Variants in SBF2 observed in about 807,000 individuals in gnomAD.
SBF2 encodes the protein SET binding factor 2, also known as myotubularin-related protein 13.
In SBF2, 112 loss-of-function variants were observed where a neutral mutation model predicts 225.2. That is an observed-to-expected ratio of 0.50 (90% CI 0.43 to 0.58). The LOEUF is 0.58. Ranked by LOEUF, SBF2 falls within the 20% of genes least tolerant of loss-of-function variation. The probability of loss-of-function intolerance (pLI) is 0.00; values close to 1 mark genes in which losing one functional copy is unlikely to be tolerated. For missense variants in SBF2, 1,996 were observed against 2,206.2 expected, an observed-to-expected ratio of 0.90 and a Z score of 1.91; for synonymous variants, 763 against 773.3, an observed-to-expected ratio of 0.99 and a Z score of 0.22.
At position 9,829,478 on chromosome 11, in the gene SBF2, T is replaced by A; in HGVS notation, c.3671A>T (p.Glu1224Val). 6.2e-7 allele frequency: 1 copy of A among 1,612,480 alleles called. No homozygotes were observed. Among genetic ancestry groups the A allele is most frequent in the Non-Finnish European group, 8.5e-7 (1 of 1,178,458 alleles). The change falls in exon 28 of 40, where the codon GAA becomes GTA. Residue 1224 changes from glutamate to valine, a missense_variant. Glu to Val is a moderately radical substitution (Grantham distance 121, BLOSUM62 -2). Coordinates refer to ENST00000256190, the MANE Select transcript of SBF2 (RefSeq NM_030962.4). ...SPQAAPTSSL[E>V]SSSSIEQEKY... ...CTCTTGTTCTATGCTACTGGAAGAT[T>A]CTAAAGAGGAGGTAGGAGCTATAAA...
intron 2 of SBF2, among the ~76,000 whole-genome samples, chr11:10,066,668 T>C (rs184624195): frequency 2.8e-4 from 42 of 152,322 alleles, no homozygotes; most frequent in African/African-American, 1.0e-3. Flanking sequence ...AACATCATAC[T>C]TAATGTTGAA....
chr11:9,790,793 A>AAAAC, intron 33 of SBF2, 110 bp from the exon 34 acceptor site: 1 of 823,312 alleles, frequency 1.2e-6, no homozygotes, highest in Non-Finnish European at 2.0e-6. Flanking sequence ...TATGGCTTTA[A>AAAAC]AAACAGCAAC....
chr11:9,829,552 GTATCTATC>G (rs143416649), intron 27 of SBF2, 56 bp from the exon 28 acceptor site: 9 of 1,406,754 alleles, frequency 6.4e-6, no homozygotes, highest in Admixed American at 1.7e-5. Flanking sequence ...AACAAAACAA[GTATCTATC>G]TATCTATCTA....
intron 37 of SBF2, 75 bp from the exon 38 acceptor site, chr11:9,784,513 T>C (rs1475904155): frequency 2.5e-6 from 3 of 1,183,688 alleles, no homozygotes; most frequent in Non-Finnish European, 3.8e-6. Context: ...GGGATATCTG[T>C]TGTTTTTGTC....
At chr11:10,158,925 T>G (rs376195365) in intron 2 of SBF2, among the ~76,000 whole-genome samples, 26 of 152,262 alleles carry the variant, frequency 1.7e-4, no homozygotes, top group African/African-American at 5.5e-4. Flanking sequence ...CAAACAACAT[T>G]TGATAAAATC....
chr11:10,045,231 G>A (rs932563492), intron 2 of SBF2, among the ~76,000 whole-genome samples: 4 of 150,792 alleles, frequency 2.7e-5, no homozygotes, highest in Non-Finnish European at 5.9e-5. Flanking sequence ...GCAGTGGCAC[G>A]ATCTTGGCTC....
chr11:9,917,912 T>A (rs1293436030), intron 16 of SBF2, among the ~76,000 whole-genome samples: 1 of 151,514 alleles, frequency 6.6e-6, no homozygotes, highest in African/African-American at 2.4e-5. Flanking sequence ...TTAAGCATGA[T>A]CCTCTTCCAC....
At chr11:9,851,249 T>C (rs1856930138) in intron 21 of SBF2, among the ~76,000 whole-genome samples, 1 of 151,670 alleles carries the variant, frequency 6.6e-6, no homozygotes, top group Admixed American at 6.6e-5. Flanking sequence ...AGAATAGGAA[T>C]TGTAAGACTG....
intron 2 of SBF2, among the ~76,000 whole-genome samples, chr11:10,117,182 T>G (rs748870057): frequency 6.6e-6 from 1 of 152,198 alleles, no homozygotes; most frequent in African/African-American, 2.4e-5. Flanking sequence ...GGCTCACGCC[T>G]GTAATCCCAG....
intron 16 of SBF2, among the ~76,000 whole-genome samples, chr11:9,898,671 TA>T (rs1564973184): frequency 6.6e-6 from 1 of 151,998 alleles, no homozygotes; most frequent in African/African-American, 2.4e-5. Context: ...ACCTGTCTTT[TA>T]AAAAAAGGAT....
intron 13 of SBF2, among the ~76,000 whole-genome samples, chr11:9,974,187 T>C (rs911749861): frequency 6.6e-6 from 1 of 152,172 alleles, no homozygotes; most frequent in Non-Finnish European, 1.5e-5. Context: ...CAACTGAATG[T>C]CTTATCCTTA....
rs998341729 is a variant in SBF2, at chr11:10,303,104, A to C, written n.386+1388T>G. On this transcript the variant is annotated intron_variant and non_coding_transcript_variant, in intron 1 of 5. Transcript: ENST00000685217. This position sits in a 1 kb window ranked among gnomAD's most constrained non-coding sequence, Gnocchi z 5.2. ...AAAAGGAAATGGGAGACAAGGGAGAAGAACAATAGTTAGGCTGGGGAGGCT... is the reference window on the plus strand; with the variant it reads ...AAAAGGAAATGGGAGACAAGGGAGACGAACAATAGTTAGGCTGGGGAGGCT... The C allele has an allele frequency of 3.3e-5, 5 of 152,412 alleles. No homozygotes were observed. The highest frequency in any genetic ancestry group is 1.2e-4 in the African/African-American group (5 of 41,470). 9.4% of individuals were successfully genotyped at this position (152,412 alleles called of 1,614,324 possible).
chr11:10,017,391 A>T (rs1353746770), intron 6 of SBF2, among the ~76,000 whole-genome samples: 1 of 152,238 alleles, frequency 6.6e-6, no homozygotes, highest in Non-Finnish European at 1.5e-5. Context: ...CGGGGAAAAC[A>T]GTATAGTTCT....
chr11:9,800,630 A>G (rs1853435098), intron 32 of SBF2, among the ~76,000 whole-genome samples: 1 of 152,056 alleles, frequency 6.6e-6, no homozygotes, highest in South Asian at 2.1e-4. Context: ...GATGGTCTCT[A>G]TCTCCTGACC....
At chr11:10,266,387 A>G (rs1961992540) in intron 1 of SBF2, among the ~76,000 whole-genome samples, 1 of 152,196 alleles carries the variant, frequency 6.6e-6, no homozygotes, top group Non-Finnish European at 1.5e-5. Context: ...GACACTGATC[A>G]CTATGGGGAG....
chr11:10,282,002 T>C (rs1350068710), intron 1 of SBF2, among the ~76,000 whole-genome samples: 2 of 152,156 alleles, frequency 1.3e-5, no homozygotes, highest in African/African-American at 4.8e-5. Context: ...CTAGACTACA[T>C]GAGGTTTATA....
chr11:10,226,148 G>T (rs1380217200), intron 1 of SBF2, among the ~76,000 whole-genome samples: 1 of 152,000 alleles, frequency 6.6e-6, no homozygotes, highest in African/African-American at 2.4e-5. Flanking sequence ...TCACAATAAA[G>T]GCTATTCATT....
chr11:10,175,574 C>T, intron 2 of SBF2, among the ~76,000 whole-genome samples: 1 of 151,498 alleles, frequency 6.6e-6, no homozygotes, highest in African/African-American at 2.4e-5. Context: ...GAGACTTTAA[C>T]ACCCCACTGT....
At chr11:10,080,525 C>T (rs1483731200) in intron 2 of SBF2, among the ~76,000 whole-genome samples, 1 of 151,468 alleles carries the variant, frequency 6.6e-6, no homozygotes, top group African/African-American at 2.4e-5. Flanking sequence ...TGACAAAACC[C>T]TACTAAACCT....
Sources: allele counts gnomAD v4.1 joint callset (sites outside exome capture counted in the v4.1 genomes callset), GRCh38; gene constraint gnomAD v4.1.1; non-coding constraint Gnocchi (gnomAD v3.1); transcripts MANE v1.5; gene names NCBI Gene and HGNC (gene_info 2026-07-23, HGNC 2026-07-21).